The following ELAC2 variants were observed in gnomAD, a reference collection of about 807,000 sequenced individuals.
ELAC2 encodes zinc phosphodiesterase ELAC protein 2.
In ELAC2, 92 loss-of-function variants were observed where a neutral mutation model predicts 105.2. The ratio of observed to expected loss-of-function variants is 0.87; its 90% CI spans 0.74 to 1.04. The LOEUF is 1.04. Ranked by LOEUF, ELAC2 falls within the 50% of genes least tolerant of loss-of-function variation. The pLI is 0.00. For missense variants in ELAC2, 1,099 were observed against 1,071.7 expected (o/e 1.03, Z -0.36); for synonymous variants, 468 against 409.1 (o/e 1.14, Z -1.74).
chr17:13,000,064 A>G, intron 15 of ELAC2, 92 bp downstream of exon 15: 1 of 1,174,646 alleles, frequency 8.5e-7, no homozygotes, highest in Non-Finnish European at 1.3e-6. Flanking sequence ...CCAGGTTAGA[A>G]TGCGCCCCAC....
chr17:12,996,131 C>T, intron 17 of ELAC2, 153 bp from the exon 18 acceptor site: 1 of 847,538 alleles, frequency 1.2e-6, no homozygotes, highest in Non-Finnish European at 1.9e-6. Flanking sequence ...AGGCCGAGCC[C>T]CCTGCGCCAT....
chr17:13,012,212 G>A (rs1232280761), intron 6 of ELAC2, among the ~76,000 whole-genome samples: 1 of 152,224 alleles, frequency 6.6e-6, no homozygotes, highest in Non-Finnish European at 1.5e-5. Flanking sequence ...ATGAACGTAA[G>A]TTCACTCACT....
Position 13,012,019 on chromosome 17 carries a change from C to T in ELAC2, c.560-237G>A, listed in dbSNP as rs187756143. Among the ~76,000 whole-genome samples, 21 of 152,282 alleles carry T rather than the reference C, an allele frequency of 1.4e-4. No homozygotes were observed. The East Asian group carries it at 3.5e-3, about 25-fold the overall frequency. ...CTCGGCCACAGTACCAACTCAACAA[C>T]GTGTTATCTAAACAGCATGTGGGTT... On this transcript the variant is annotated intron_variant, in intron 6 of 23. Transcript: ENST00000338034.
At chr17:13,003,180 T>C (rs2040916375) in intron 12 of ELAC2, among the ~76,000 whole-genome samples, 1 of 152,228 alleles carries the variant, frequency 6.6e-6, no homozygotes, top group African/African-American at 2.4e-5. Context: ...AATCTCTTCT[T>C]TGGAATTCAC....
chr17:13,010,150 C>A (rs932781583), intron 8 of ELAC2, among the ~76,000 whole-genome samples: 1 of 151,764 alleles, frequency 6.6e-6, no homozygotes, highest in Non-Finnish European at 1.5e-5. Flanking sequence ...TTGTTGCAGG[C>A]TCATTGCCAG....
chr17:12,998,310 C>A (rs1213666284), intron 16 of ELAC2, 102 bp downstream of exon 16: 1 of 1,136,776 alleles, frequency 8.8e-7, no homozygotes, highest in East Asian at 2.5e-5. Context: ...AGTGACAGGG[C>A]TTGATACCGC....
intron 16 of ELAC2, among the ~76,000 whole-genome samples, chr17:12,996,905 A>G (rs1381536005): frequency 6.6e-6 from 1 of 151,972 alleles, no homozygotes; most frequent in African/African-American, 2.4e-5. Flanking sequence ...TGGAACCCTG[A>G]AACCCTTTCA....
At chr17:13,017,003 C>G (rs1391393755) in intron 2 of ELAC2, 68 bp downstream of exon 2, 9 of 1,612,322 alleles carry the variant, frequency 5.6e-6, no homozygotes, top group Non-Finnish European at 7.6e-6. Context: ...TAAAAAACAA[C>G]TGGCCTCTCA....
At position 13,002,584 on chromosome 17, in the gene ELAC2, G is replaced by A. The variant is rs2040874462; in HGVS notation, c.1080-5C>T. On this transcript the variant is annotated splice_region_variant and splice_polypyrimidine_tract_variant and intron_variant, in intron 12 of 23. Coordinates refer to ENST00000338034, the MANE Select transcript of ELAC2 (RefSeq NM_018127.7). ...TGCTGGGTGTCAGGCCCAAACCTGT[G>A]AAGAAACAGACCCGGCATTTGCAGC... The A allele has an allele frequency of 6.3e-7, 1 of 1,595,974 alleles. No homozygotes were observed. The highest frequency in any genetic ancestry group is 8.5e-7 in the Non-Finnish European group (1 of 1,169,630).
chr17:13,001,669 A>C (rs1300120197), intron 14 of ELAC2, among the ~76,000 whole-genome samples: 1 of 152,200 alleles, frequency 6.6e-6, no homozygotes, highest in African/African-American at 2.4e-5. Context: ...TCCCACATTT[A>C]GGAATGACTT....
At chr17:13,012,597 C>G (rs1293199503) in intron 6 of ELAC2, among the ~76,000 whole-genome samples, 1 of 152,212 alleles carries the variant, frequency 6.6e-6, no homozygotes, top group East Asian at 1.9e-4. Context: ...GCTGGGTGCT[C>G]TGGTCTGTCA....
In ELAC2 at chr17:13,000,391, T is replaced by C. The variant is rs370459292; in HGVS notation, c.1305-117A>G. ...ACAATCTGCAGGAAGTTCCTTCAGATCAACACTGAAGGTTAAGTGACTAGG... is the reference window on the plus strand; with the variant it reads ...ACAATCTGCAGGAAGTTCCTTCAGACCAACACTGAAGGTTAAGTGACTAGG... On this transcript the variant is annotated intron_variant, in intron 14 of 23. Coordinates refer to ENST00000338034, the MANE Select transcript of ELAC2 (RefSeq NM_018127.7). The C allele has an allele frequency of 1.0e-4, 97 of 956,728 alleles. No homozygotes were observed. The African/African-American group carries it at 1.4e-3, about 14-fold the overall frequency. 59.3% of individuals were successfully genotyped at this position (956,728 alleles called of 1,614,324 possible).
intron 10 of ELAC2, 92 bp from the exon 11 acceptor site, chr17:13,005,193 A>G: frequency 1.1e-6 from 1 of 888,552 alleles, no homozygotes; most frequent in Non-Finnish European, 1.9e-6. Flanking sequence ...GACATATCCT[A>G]TCCAGTGAGC....
intron 15 of ELAC2, among the ~76,000 whole-genome samples, chr17:12,999,328 A>G (rs1175355465): frequency 6.6e-6 from 1 of 152,156 alleles, no homozygotes; most frequent in Non-Finnish European, 1.5e-5. Context: ...CAGCCCTACC[A>G]GGTAGGAAAT....
At chr17:13,014,540 T>A in intron 4 of ELAC2, 44 bp from the exon 5 acceptor site, 1 of 1,360,774 alleles carries the variant, frequency 7.3e-7, no homozygotes. Flanking sequence ...TGAACAAATG[T>A]AGAACACAGC....
chr17:12,991,652 T>C lies in ELAC2; in HGVS notation c.*1166A>G. On this transcript the variant is annotated 3_prime_UTR_variant, in exon 24 of 24. Coordinates refer to ENST00000338034, the MANE Select transcript of ELAC2 (RefSeq NM_018127.7). Reference sequence around the variant, plus strand: ...AGATTTATTATCCCTGAGCTTGGCATCTGTTCTTGCTTTAATAAACCTGCG... The same window carrying C: ...AGATTTATTATCCCTGAGCTTGGCACCTGTTCTTGCTTTAATAAACCTGCG... 5.1e-6 allele frequency: 1 copy of C among 195,522 alleles called. No individual in the cohort carries two copies. Among genetic ancestry groups the C allele is most frequent in the Non-Finnish European group, 1.1e-5 (1 of 93,620 alleles). 12.1% of individuals were successfully genotyped at this position (195,522 alleles called of 1,614,324 possible).
intron 8 of ELAC2, among the ~76,000 whole-genome samples, chr17:13,010,229 G>C (rs2041341755): frequency 6.6e-6 from 1 of 151,898 alleles, no homozygotes; most frequent in Non-Finnish European, 1.5e-5. Flanking sequence ...GGAGTGCAAT[G>C]GTGCAATCTC....
At chr17:12,999,664 G>GT (rs2040662610) in intron 15 of ELAC2, among the ~76,000 whole-genome samples, 1 of 63,700 alleles carries the variant, frequency 1.6e-5, no homozygotes, top group Non-Finnish European at 3.5e-5. Flanking sequence ...CAGGAATTGG[G>GT]ATTTTTTTTT....
At chr17:12,994,686 G>T in intron 21 of ELAC2, 78 bp downstream of exon 21, 1 of 1,611,474 alleles carries the variant, frequency 6.2e-7, no homozygotes. Context: ...ACGTTTCCCT[G>T]CAAGCCCACC....
Sources: allele counts gnomAD v4.1 joint callset (sites outside exome capture counted in the v4.1 genomes callset), GRCh38; gene constraint gnomAD v4.1.1; transcripts MANE v1.5; gene names NCBI Gene and HGNC (gene_info 2026-07-23, HGNC 2026-07-21).